The following WBP4 variants were observed in gnomAD, a reference collection of about 807,000 sequenced individuals.
The protein encoded by WBP4 is WW domain-binding protein 4.
Under a neutral mutation model 55.4 loss-of-function variants are expected in WBP4, and 37 were observed. That is an observed-to-expected ratio of 0.67 (90% CI 0.51 to 0.88). The LOEUF (loss-of-function observed/expected upper bound fraction) is 0.88. Among genes scored for constraint, WBP4 ranks in the 40% least tolerant of loss-of-function variants. The pLI is 0.00. For missense variants in WBP4, 398 were observed against 420.8 expected (o/e 0.95, Z 0.47); for synonymous variants, 142 against 140.2 (o/e 1.01, Z -0.09).
chr13:41,068,601 C>G lies in WBP4; in HGVS notation c.303C>G (p.Ile101Met). Reference sequence around the variant, plus strand: ...GCATAACACCAGTAACCAGCACTATCCCACCTACCTCGACATCAAATCAAC... The same window carrying G: ...GCATAACACCAGTAACCAGCACTATGCCACCTACCTCGACATCAAATCAAC... ...EPSITPVTST[I>M]PPTSTSNQQK... Residue 101 changes from isoleucine (I) to methionine (M), a missense_variant, in exon 5 of 10, where the codon ATC becomes ATG. Ile to Met is a conservative substitution (Grantham distance 10). Coordinates refer to ENST00000379487, the MANE Select transcript of WBP4 (RefSeq NM_007187.5). 6.2e-7 allele frequency: 1 copy of G among 1,612,844 alleles called. No homozygotes were observed. The highest frequency in any genetic ancestry group is 8.5e-7 in the Non-Finnish European group (1 of 1,179,566).
At chr13:41,075,079 G>A (rs1179742737) in intron 7 of WBP4, among the ~76,000 whole-genome samples, 1 of 152,120 alleles carries the variant, frequency 6.6e-6, no homozygotes, top group Non-Finnish European at 1.5e-5. Context: ...ATTAATTAAG[G>A]TGCTGTATAT....
chr13:41,064,067 AT>A (rs372849800), intron 2 of WBP4, among the ~76,000 whole-genome samples: 2,048 of 140,742 alleles, frequency 0.015, 40 homozygotes, highest in East Asian at 0.051. Flanking sequence ...ATAGGTTATC[AT>A]TTTTTTTTTT....
Position 41,083,121 on chromosome 13 carries a change from G to A in WBP4, c.*207G>A, listed in dbSNP as rs2138488986. The stretch of plus-strand genomic sequence containing the variant: ...GCCTACCACATTGCATTGTAATACA[G>A]TGTATTATGTTCAGTGTCTAAAAAC... On this transcript the variant is annotated 3_prime_UTR_variant, in exon 10 of 10. Transcript: ENST00000379487. 1 of 504,642 alleles carries A rather than the reference G, an allele frequency of 2.0e-6. No homozygotes were observed. The highest frequency in any genetic ancestry group is 3.4e-5 in the East Asian group (1 of 29,344). The allele number at this position is 504,642 out of a possible 1,614,324, so 31.3% of individuals were successfully genotyped here.
intron 5 of WBP4, 84 bp from the exon 6 acceptor site, chr13:41,071,443 T>C: frequency 8.9e-7 from 1 of 1,120,520 alleles, no homozygotes; most frequent in Admixed American, 2.1e-5. Flanking sequence ...TTGTACATAA[T>C]GACTGTAAAT....
intron 7 of WBP4, among the ~76,000 whole-genome samples, chr13:41,073,614 A>T (rs1878348255): frequency 6.6e-6 from 1 of 151,870 alleles, no homozygotes; most frequent in Non-Finnish European, 1.5e-5. Flanking sequence ...CAGGAGTTCG[A>T]GACCAGCCTG....
chr13:41,077,354 C>T (rs1163518845), intron 8 of WBP4, among the ~76,000 whole-genome samples: 10 of 152,040 alleles, frequency 6.6e-5, no homozygotes, highest in Non-Finnish European at 1.5e-5. Context: ...AGGCCGAGTG[C>T]GGTGCCTCAT....
At chr13:41,076,413 G>A (rs1246012822) in intron 8 of WBP4, among the ~76,000 whole-genome samples, 176 bp downstream of exon 8, 1 of 151,448 alleles carries the variant, frequency 6.6e-6, no homozygotes, top group Admixed American at 6.6e-5. Context: ...CGAGTAGCTG[G>A]GACTACAGGT....
At chr13:41,066,750 CTG>C (rs1462979471) in intron 4 of WBP4, among the ~76,000 whole-genome samples, 1 of 151,772 alleles carries the variant, frequency 6.6e-6, no homozygotes, top group East Asian at 1.9e-4. Flanking sequence ...GCATTTTTCA[CTG>C]TCGTAAAGAG....
intron 1 of WBP4, chr13:41,062,100 T>TTG: frequency 2.8e-6 from 2 of 711,632 alleles, no homozygotes; most frequent in Non-Finnish European, 3.3e-6. Context: ...GTAATGGTTT[T>TTG]TTTTTTTTTT....
At chr13:41,075,951 C>G in intron 7 of WBP4, 93 bp from the exon 8 acceptor site, 1 of 1,302,348 alleles carries the variant, frequency 7.7e-7, no homozygotes, top group Non-Finnish European at 1.1e-6. Flanking sequence ...ACAGTATTGT[C>G]ATTTAATAAT....
At position 41,072,380 on chromosome 13, in the gene WBP4, G is replaced by A. The variant is rs28708452; in HGVS notation, c.487-402G>A. ...GTTATGCAGGCTGTACAGGAAGCAT[G>A]GTGGCATGAGCTTCTGGAGAGGCTT... On this transcript the variant is annotated intron_variant, in intron 6 of 9. Coordinates refer to ENST00000379487, the MANE Select transcript of WBP4 (RefSeq NM_007187.5). Among the ~76,000 whole-genome samples, 418 of 152,308 alleles carry A rather than the reference G, an allele frequency of 2.7e-3. 8 individuals are homozygous for A. The East Asian group carries it at 0.049, about 18-fold the overall frequency.
At chr13:41,062,094 T>TG (rs1457151112) in intron 1 of WBP4, 10 of 937,794 alleles carry the variant, frequency 1.1e-5, no homozygotes, top group Admixed American at 1.1e-4. Flanking sequence ...GATAGCGTAA[T>TG]GGTTTTTTTT....
chr13:41,072,227 A>G (rs1298997788), intron 6 of WBP4, among the ~76,000 whole-genome samples: 10 of 152,162 alleles, frequency 6.6e-5, no homozygotes, highest in Non-Finnish European at 1.2e-4. Context: ...GCAAAAACCA[A>G]GCTTCCTGGC....
In WBP4 at chr13:41,065,214, G is replaced by A. The variant is rs1238740998; in HGVS notation, c.189G>A (p.Lys63=). 5 of 1,610,886 alleles carry A rather than the reference G, an allele frequency of 3.1e-6. No individual in the cohort carries two copies. Among genetic ancestry groups the A allele is most frequent in the Non-Finnish European group, 4.2e-6 (5 of 1,178,604 alleles). Reference sequence around the variant, plus strand: ...CAAAGGAAGAAGAAAAGGCATCAAAGGAGTTTGCTGCAATGGAGGCAGCTG... The same window carrying A: ...CAAAGGAAGAAGAAAAGGCATCAAAAGAGTTTGCTGCAATGGAGGCAGCTG... ...DKAKEEEKAS[K]EFAAMEAAAL... is the part of the protein sequence containing the mutation. Residue 63 remains lysine, a synonymous_variant, in exon 4 of 10, where the codon AAG becomes AAA. Transcript: ENST00000379487.
chr13:41,076,947 A>G (rs1380313064), intron 8 of WBP4, among the ~76,000 whole-genome samples: 1 of 152,196 alleles, frequency 6.6e-6, no homozygotes, highest in Non-Finnish European at 1.5e-5. Context: ...GATTTAGGTA[A>G]TCCAGTATCC....
chr13:41,063,504 T>G (rs2138458427), intron 2 of WBP4, among the ~76,000 whole-genome samples: 1 of 152,270 alleles, frequency 6.6e-6, no homozygotes, highest in East Asian at 1.9e-4. Flanking sequence ...TCTTTTTGGA[T>G]AGTTGCTAAA....
At position 41,080,702 on chromosome 13, in the gene WBP4, T is replaced by C; in HGVS notation, c.813T>C (p.Ser271=). 1 of 1,603,648 alleles carries C rather than the reference T, an allele frequency of 6.2e-7. No homozygotes were observed. Among genetic ancestry groups the C allele is most frequent in the Non-Finnish European group, 8.5e-7 (1 of 1,177,698 alleles). Residue 271 remains serine, a synonymous_variant, in exon 9 of 10, where the codon AGT becomes AGC. Transcript: ENST00000379487. ...GSDPETQKEK[S]IQKQNSLGSN... ...ACCCAGAAACACAGAAAGAAAAAAG[T>C]ATTCAGAAACAGAATTCATTAGGTT...
intron 4 of WBP4, among the ~76,000 whole-genome samples, chr13:41,065,791 T>C (rs1244283420): frequency 6.6e-6 from 1 of 152,210 alleles, no homozygotes; most frequent in African/African-American, 2.4e-5. Context: ...AAGTTCCAGA[T>C]GAAAGACCTT....
chr13:41,072,963 CAT>C lies in WBP4; in HGVS notation c.562+109_562+110del, dbSNP rs1325571573. The C allele has an allele frequency of 1.4e-5, 11 of 807,560 alleles. No homozygotes were observed. In the East Asian group the frequency reaches 1.4e-4, roughly 10 times the overall value. The allele number at this position is 807,560 out of a possible 1,614,324, so 50.0% of individuals were successfully genotyped here. On this transcript the variant is annotated intron_variant, in intron 7 of 9. Transcript: ENST00000379487. ...CTTGGAAATTTTAGTATACAATAAA[CAT>C]ATTTGTGTAGTAAACATGAATTATT... is the stretch of plus-strand genomic sequence containing the variant.
Sources: allele counts gnomAD v4.1 joint callset (sites outside exome capture counted in the v4.1 genomes callset), GRCh38; gene constraint gnomAD v4.1.1; transcripts MANE v1.5; gene names NCBI Gene and HGNC (gene_info 2026-07-23, HGNC 2026-07-21).